The following ATRNL1 variants were observed in gnomAD, a reference collection of about 807,000 sequenced individuals.
ATRNL1 encodes attractin like 1.
A neutral mutation model predicts 182.7 loss-of-function variants in ATRNL1; 95 were observed. The ratio of observed to expected loss-of-function variants is 0.52; its 90% confidence interval spans 0.44 to 0.62. The LOEUF (loss-of-function observed/expected upper bound fraction) is 0.62. Ranked by LOEUF, ATRNL1 falls within the 20% of genes least tolerant of loss-of-function variation. ATRNL1 has a pLI of 0.00. For missense variants in ATRNL1, 1,471 were observed against 1,679.5 expected (o/e 0.88, Z 2.17); for synonymous variants, 576 against 568.3 (o/e 1.01, Z -0.19).
chr10:115,844,577 A>G (rs1950886178), intron 27 of ATRNL1, among the ~76,000 whole-genome samples: 2 of 152,078 alleles, frequency 1.3e-5, no homozygotes, highest in East Asian at 1.9e-4. Flanking sequence ...TTTGCCCCTA[A>G]AACAGCAACT....
intron 26 of ATRNL1, among the ~76,000 whole-genome samples, chr10:115,702,945 AG>A (rs1443236008): frequency 2.0e-5 from 3 of 151,908 alleles, no homozygotes; most frequent in African/African-American, 4.8e-5. Flanking sequence ...GGAACCAAAA[AG>A]AAAAAAAAGC....
At chr10:115,296,270 T>C (rs1592398044) in intron 15 of ATRNL1, among the ~76,000 whole-genome samples, 1 of 152,134 alleles carries the variant, frequency 6.6e-6, no homozygotes, top group African/African-American at 2.4e-5. Context: ...TGGACTTCCA[T>C]TCACCACAGG....
intron 27 of ATRNL1, among the ~76,000 whole-genome samples, chr10:115,830,219 A>G (rs1006917843): frequency 6.6e-6 from 1 of 152,220 alleles, no homozygotes; most frequent in Non-Finnish European, 1.5e-5. Context: ...AAACTAATTC[A>G]TCTGGCTAAA....
intron 19 of ATRNL1, among the ~76,000 whole-genome samples, chr10:115,378,767 T>C (rs1229661415): frequency 6.6e-6 from 1 of 152,236 alleles, no homozygotes; most frequent in Non-Finnish European, 1.5e-5. Context: ...TTTGAACTTT[T>C]GTCTTTGTTA....
At chr10:115,294,530 A>G (rs1217937461) in intron 15 of ATRNL1, among the ~76,000 whole-genome samples, 2 of 152,122 alleles carry the variant, frequency 1.3e-5, no homozygotes, top group Non-Finnish European at 1.5e-5. Flanking sequence ...GTATTCTCCT[A>G]TATCTCACTG....
chr10:115,269,061 C>T (rs1354569984), intron 13 of ATRNL1, among the ~76,000 whole-genome samples: 2 of 152,102 alleles, frequency 1.3e-5, no homozygotes, highest in African/African-American at 2.4e-5. Flanking sequence ...GATTTTTTAA[C>T]GTCCTTTTTC....
intron 1 of ATRNL1, among the ~76,000 whole-genome samples, chr10:115,100,460 A>C (rs1248522914): frequency 1.3e-5 from 2 of 152,122 alleles, no homozygotes; most frequent in Admixed American, 1.3e-4. Context: ...ATGGATCTAA[A>C]TTCAGTTTTT....
intron 13 of ATRNL1, among the ~76,000 whole-genome samples, chr10:115,275,787 T>A (rs994892856): frequency 6.6e-6 from 1 of 152,092 alleles, no homozygotes; most frequent in Admixed American, 6.6e-5. Context: ...GGTGAGCAGA[T>A]CTTAAAGGAC....
chr10:115,282,700 A>G (rs974352367), intron 14 of ATRNL1, among the ~76,000 whole-genome samples: 33 of 152,250 alleles, frequency 2.2e-4, no homozygotes, highest in Admixed American at 2.0e-3. Context: ...GTTAAGTGAT[A>G]TGCTCAAAAT....
intron 27 of ATRNL1, among the ~76,000 whole-genome samples, chr10:115,809,833 G>A (rs1950007551): frequency 1.3e-5 from 2 of 151,868 alleles, no homozygotes; most frequent in South Asian, 4.1e-4. Flanking sequence ...GTACACTGTG[G>A]AATTGAAACG....
chr10:115,564,679 C>A (rs1592859492), intron 26 of ATRNL1, among the ~76,000 whole-genome samples: 1 of 151,902 alleles, frequency 6.6e-6, no homozygotes, highest in African/African-American at 2.4e-5. Context: ...TCAACATTGC[C>A]ACCAGCATTA....
chr10:115,801,101 G>A (rs1949782451), intron 27 of ATRNL1, among the ~76,000 whole-genome samples: 1 of 152,180 alleles, frequency 6.6e-6, no homozygotes, highest in Admixed American at 6.5e-5. Flanking sequence ...TTGCCCATCT[G>A]TAGTCCTAGT....
chr10:115,922,600 G>C (rs1953099595), intron 28 of ATRNL1, among the ~76,000 whole-genome samples: 1 of 152,050 alleles, frequency 6.6e-6, no homozygotes, highest in South Asian at 2.1e-4. Context: ...CAAAGTGTTG[G>C]GATTACAGGC....
At chr10:115,931,435 T>C (rs1953391181) in intron 28 of ATRNL1, among the ~76,000 whole-genome samples, 1 of 152,310 alleles carries the variant, frequency 6.6e-6, no homozygotes, top group South Asian at 2.1e-4. Flanking sequence ...TGGGAACTCA[T>C]GTACCATTGG....
At chr10:115,744,169 G>A (rs1555068547) in intron 27 of ATRNL1, among the ~76,000 whole-genome samples, 1 of 152,022 alleles carries the variant, frequency 6.6e-6, no homozygotes, top group African/African-American at 2.4e-5. Flanking sequence ...AGGAATTTTA[G>A]AAATTTTTAG....
chr10:115,315,499 C>T lies in ATRNL1; in HGVS notation c.2819-19C>T, dbSNP rs2134014489. On this transcript the variant is annotated intron_variant, in intron 17 of 28. Transcript: ENST00000355044. ...TATATAGTCATGTTAACATATTTGT[C>T]AATGTTCCTGTCACGCAGCTCAAAA... 2 of 1,559,714 alleles carry T rather than the reference C, an allele frequency of 1.3e-6. No individual in the cohort carries two copies. The highest frequency in any genetic ancestry group is 1.8e-6 in the Non-Finnish European group (2 of 1,135,576).
At chr10:115,263,859 T>G (rs530208433) in intron 10 of ATRNL1, among the ~76,000 whole-genome samples, 2 of 151,890 alleles carry the variant, frequency 1.3e-5, no homozygotes, top group South Asian at 4.1e-4. Flanking sequence ...GAAAAGTGCT[T>G]CTTTGGATAA....
chr10:115,933,445 A>G (rs1953464460), intron 28 of ATRNL1, among the ~76,000 whole-genome samples: 1 of 135,734 alleles, frequency 7.4e-6, no homozygotes, highest in Non-Finnish European at 1.5e-5. Context: ...GAGCCCATCC[A>G]GTCCCCTGAC....
chr10:115,785,322 T>C (rs921684604), intron 27 of ATRNL1, among the ~76,000 whole-genome samples: 4 of 152,218 alleles, frequency 2.6e-5, no homozygotes, highest in African/African-American at 4.8e-5. Flanking sequence ...GGAATAATCC[T>C]CTCATGATAT....
Sources: allele counts gnomAD v4.1 joint callset (sites outside exome capture counted in the v4.1 genomes callset), GRCh38; gene constraint gnomAD v4.1.1; transcripts MANE v1.5; gene names NCBI Gene and HGNC (gene_info 2026-07-23, HGNC 2026-07-21).